The following AGBL1 variants were observed in gnomAD, a reference collection of about 807,000 sequenced individuals.
The protein encoded by AGBL1 is cytosolic carboxypeptidase 4.
AGBL1 carries 130 observed loss-of-function variants against 118.9 expected under a neutral mutation model. The observed-to-expected ratio is 1.09, with a 90% CI of 0.95 to 1.26. The LOEUF (loss-of-function observed/expected upper bound fraction) is 1.26, where lower values mean the gene tolerates loss of function less well. Among genes scored for constraint, AGBL1 ranks in the 50% most tolerant of loss-of-function variants. The probability of loss-of-function intolerance (pLI) is 0.00; values close to 1 mark genes in which losing one functional copy is unlikely to be tolerated. For missense variants in AGBL1, 1,584 were observed against 1,298.1 expected, an observed-to-expected ratio of 1.22 and a Z score of -3.38; for synonymous variants, 555 against 478.9, an observed-to-expected ratio of 1.16 and a Z score of -2.08.
At chr15:86,764,250 G>C (rs2078066205) in intron 22 of AGBL1, among the ~76,000 whole-genome samples, 1 of 152,032 alleles carries the variant, frequency 6.6e-6, no homozygotes, top group Non-Finnish European at 1.5e-5. Flanking sequence ...AAAGAAGCAA[G>C]ATAATACATG....
chr15:86,081,426 C>T (rs1309193827), intron 1 of AGBL1, among the ~76,000 whole-genome samples: 2 of 152,112 alleles, frequency 1.3e-5, no homozygotes, highest in Admixed American at 6.5e-5. Flanking sequence ...GATAAGGAAA[C>T]GGAATCTCAG....
chr15:86,843,740 G>A (rs1229520572), intron 22 of AGBL1, among the ~76,000 whole-genome samples: 3 of 152,150 alleles, frequency 2.0e-5, no homozygotes, highest in African/African-American at 7.2e-5. Flanking sequence ...TTGAGGTATA[G>A]TTCACATACT....
intron 17 of AGBL1, among the ~76,000 whole-genome samples, chr15:86,333,772 A>C (rs2080313896): frequency 6.6e-6 from 1 of 152,148 alleles, no homozygotes; most frequent in African/African-American, 2.4e-5. Flanking sequence ...AAACATAGAC[A>C]CAAAAATTCT....
At chr15:86,786,009 C>T (rs2078407196) in intron 22 of AGBL1, among the ~76,000 whole-genome samples, 2 of 152,160 alleles carry the variant, frequency 1.3e-5, no homozygotes, top group South Asian at 4.1e-4. Context: ...AGTTTGTGTA[C>T]AAACACCCAC....
At position 87,000,843 on chromosome 15, in the gene AGBL1, A is replaced by G. The variant is rs899046480; in HGVS notation, c.3323+12755A>G. Among the ~76,000 whole-genome samples, 6 of 147,610 alleles carry G rather than the reference A, an allele frequency of 4.1e-5. No individual in the cohort carries two copies. The Admixed American group carries it at 4.1e-4, about 10-fold the overall frequency. Reference sequence around the variant, plus strand: ...CAGTATGGCCACTTTCACGATATTGATTCTTCCTACCCATGAGCATGGCAT... The same window carrying G: ...CAGTATGGCCACTTTCACGATATTGGTTCTTCCTACCCATGAGCATGGCAT... On this transcript the variant is annotated intron_variant, in intron 24 of 24. Transcript: ENST00000441037.
chr15:86,964,041 G>GTT (rs2141690678), intron 23 of AGBL1, among the ~76,000 whole-genome samples: 1 of 110,526 alleles, frequency 9.0e-6, no homozygotes, highest in Admixed American at 9.5e-5. Flanking sequence ...CTGTGTGTGT[G>GTT]TGTGTGTGTG....
chr15:86,739,358 G>T (rs575150172), intron 22 of AGBL1, among the ~76,000 whole-genome samples: 1 of 145,090 alleles, frequency 6.9e-6, no homozygotes, highest in Admixed American at 7.4e-5. Flanking sequence ...CAGGAGAATC[G>T]CTTGAACCCA....
intron 5 of AGBL1, among the ~76,000 whole-genome samples, chr15:86,207,097 G>T (rs1478501628): frequency 6.6e-6 from 1 of 152,100 alleles, no homozygotes; most frequent in Non-Finnish European, 1.5e-5. Flanking sequence ...TTTTTGTCAG[G>T]TTTGTCAAAG....
chr15:86,330,390 A>G (rs2080251248), intron 17 of AGBL1, among the ~76,000 whole-genome samples: 1 of 151,924 alleles, frequency 6.6e-6, no homozygotes, highest in Non-Finnish European at 1.5e-5. Context: ...GGCAAACCCA[A>G]AAACTCTGCC....
intron 23 of AGBL1, among the ~76,000 whole-genome samples, chr15:86,940,672 C>A (rs13380120): frequency 2.0e-5 from 3 of 152,146 alleles, no homozygotes; most frequent in Non-Finnish European, 4.4e-5. Context: ...ACTGAGTTAT[C>A]CAACTTGAGA....
At chr15:86,281,776 T>A (rs944329631) in intron 16 of AGBL1, among the ~76,000 whole-genome samples, 1 of 152,164 alleles carries the variant, frequency 6.6e-6, no homozygotes, top group South Asian at 2.1e-4. Context: ...TGGGGTCAGA[T>A]TAGTGTCATT....
At chr15:86,364,194 A>C (rs1304875057) in intron 17 of AGBL1, among the ~76,000 whole-genome samples, 1 of 152,174 alleles carries the variant, frequency 6.6e-6, no homozygotes, top group Non-Finnish European at 1.5e-5. Context: ...TACAGTGTGA[A>C]ATTCAGGATC....
chr15:86,528,830 A>AC (rs534383178), intron 19 of AGBL1, among the ~76,000 whole-genome samples: 3,800 of 19,266 alleles, frequency 0.2, 506 homozygotes, highest in East Asian at 0.52. Flanking sequence ...ACTGGGAGGC[A>AC]CCCCCCAGCA....
At chr15:86,645,821 C>T (rs2085268498) in intron 21 of AGBL1, among the ~76,000 whole-genome samples, 1 of 152,146 alleles carries the variant, frequency 6.6e-6, no homozygotes, top group Non-Finnish European at 1.5e-5. Context: ...ATTATTTTTA[C>T]TGCACCACCA....
intron 22 of AGBL1, among the ~76,000 whole-genome samples, chr15:86,796,452 G>C (rs150658381): frequency 2.7e-4 from 41 of 152,262 alleles, no homozygotes; most frequent in African/African-American, 9.6e-4. Context: ...AAACTGTATT[G>C]CTTGCTTCTT....
chr15:86,085,327 A>C (rs1895571056), intron 1 of AGBL1, among the ~76,000 whole-genome samples: 1 of 152,066 alleles, frequency 6.6e-6, no homozygotes, highest in Non-Finnish European at 1.5e-5. Flanking sequence ...TTGTCATGGC[A>C]TGGAGTTTGA....
intron 21 of AGBL1, among the ~76,000 whole-genome samples, chr15:86,568,520 C>A (rs575259739): frequency 6.6e-6 from 1 of 152,278 alleles, no homozygotes; most frequent in South Asian, 2.1e-4. Context: ...GCCTACTTAT[C>A]AATTAGCACA....
chr15:86,135,634 G>A (rs1400817869), intron 1 of AGBL1, among the ~76,000 whole-genome samples: 6 of 152,154 alleles, frequency 3.9e-5, no homozygotes, highest in Non-Finnish European at 1.5e-5. Context: ...AATGCCTACT[G>A]TGTGAAAGAC....
intron 19 of AGBL1, among the ~76,000 whole-genome samples, chr15:86,543,602 C>T (rs555128539): frequency 5.9e-5 from 9 of 152,040 alleles, no homozygotes; most frequent in African/African-American, 2.2e-4. Flanking sequence ...TGTTCAATGC[C>T]CTTTTCATGC....
Sources: allele counts gnomAD v4.1 joint callset (sites outside exome capture counted in the v4.1 genomes callset), GRCh38; gene constraint gnomAD v4.1.1; transcripts MANE v1.5; gene names NCBI Gene and HGNC (gene_info 2026-07-23, HGNC 2026-07-21).